COL21A1: variants seen among roughly 807,000 people sequenced by gnomAD.
COL21A1 encodes collagen alpha-1(XXI) chain.
A neutral mutation model predicts 137.9 loss-of-function variants in COL21A1; 149 were observed. That is an observed-to-expected ratio of 1.08 (90% CI 0.95 to 1.24). The LOEUF (loss-of-function observed/expected upper bound fraction) is 1.24, where lower values mean the gene tolerates loss of function less well. Ranked by LOEUF, COL21A1 falls within the 50% of genes most tolerant of loss-of-function variation. The pLI is 0.00. For synonymous variants in COL21A1, 456 were observed against 391.5 expected (o/e 1.16, Z -1.95); for missense variants, 1,167 against 1,158.4 (o/e 1.01, Z -0.11).
intron 1 of COL21A1, among the ~76,000 whole-genome samples, chr6:56,191,947 A>G (rs905661124): frequency 1.3e-5 from 2 of 152,210 alleles, no homozygotes; most frequent in African/African-American, 4.8e-5. Context: ...CTGACTCCAA[A>G]CTATACTACG....
intron 1 of COL21A1, among the ~76,000 whole-genome samples, chr6:56,284,448 T>C (rs984478036): frequency 6.6e-6 from 1 of 152,196 alleles, no homozygotes; most frequent in African/African-American, 2.4e-5. Flanking sequence ...TGTAGTTGTT[T>C]TTTTCTGTCA....
Position 56,057,350 on chromosome 6 carries a change from A to G in COL21A1, c.*307T>C, listed in dbSNP as rs1765421882. 2 of 328,666 alleles carry G rather than the reference A, an allele frequency of 6.1e-6. No individual in the cohort carries two copies. The highest frequency in any genetic ancestry group is 2.3e-5 in the African/African-American group (1 of 44,022). 20.4% of individuals were successfully genotyped at this position (328,666 alleles called of 1,614,324 possible). A position where few individuals can be genotyped will look rare whatever the true frequency, so the allele number is the denominator to read the frequency against. ...GGAGGCTGAATGTGAAATATTTCAC[A>G]GTGACTAAAACTGACTGGCTAACAG... On this transcript the variant is annotated 3_prime_UTR_variant, in exon 30 of 30. Coordinates refer to ENST00000244728, the MANE Select transcript of COL21A1 (RefSeq NM_030820.4).
chr6:56,166,963 T>A lies in COL21A1; in HGVS notation c.1221A>T (p.Arg407=), dbSNP rs1191759064. ...TGTTCTGTTCTGGGTCACAGTAGAT[T>A]CGCAACTTTTGGACATCAAACTAAG... ...ETVQFDVQKL[R]IYCDPEQNNR... is the part of the protein sequence containing the mutation. The change falls in exon 7 of 30, where the codon CGA becomes CGT. Residue 407 remains arginine (R), a synonymous_variant. Transcript: ENST00000244728. 2 of 1,612,046 alleles carry A rather than the reference T, an allele frequency of 1.2e-6. No homozygotes were observed. The highest frequency in any genetic ancestry group is 1.3e-5 in the African/African-American group (1 of 74,886).
chr6:56,097,844 T>TAA lies in COL21A1; in HGVS notation c.1812+3626_1812+3627dup, dbSNP rs1370849921. ...ATACATATAAATATATATAAATATA[T>TAA]AAATATATATAAATATATAAAAATA... is the stretch of plus-strand genomic sequence containing the variant. On this transcript the variant is annotated intron_variant, in intron 17 of 29. Coordinates refer to ENST00000244728, the MANE Select transcript of COL21A1 (RefSeq NM_030820.4). Among the ~76,000 whole-genome samples, 12 of 34,010 alleles carry TAA rather than the reference T, an allele frequency of 3.5e-4. 1 individual carries two copies. The highest frequency in any genetic ancestry group is 2.0e-3 in the East Asian group (1 of 504). 22.3% of individuals were successfully genotyped at this position (34,010 alleles called of 152,430 possible).
chr6:56,321,778 C>T (rs1323649102), intron 1 of COL21A1, among the ~76,000 whole-genome samples: 1 of 152,048 alleles, frequency 6.6e-6, no homozygotes, highest in Non-Finnish European at 1.5e-5. Context: ...AGAGAATCAT[C>T]GAAGTTGAAC....
At chr6:56,389,088 C>T (rs544677756) in intron 1 of COL21A1, among the ~76,000 whole-genome samples, 9 of 152,174 alleles carry the variant, frequency 5.9e-5, no homozygotes, top group East Asian at 1.9e-4. Context: ...GGAGGCTGGG[C>T]GTGGTGGCTC....
At chr6:56,128,571 G>A (rs532153858) in intron 12 of COL21A1, among the ~76,000 whole-genome samples, 3 of 152,148 alleles carry the variant, frequency 2.0e-5, no homozygotes, top group Non-Finnish European at 4.4e-5. Flanking sequence ...TATAGGACTG[G>A]CTGACCGCAT....
rs112890835 is a variant in COL21A1, at chr6:56,118,265, G to A, written c.1758+5797C>T. The stretch of plus-strand genomic sequence containing the variant: ...GAAAGGAGATATTATAAATGATACT[G>A]CAGAAATTCAAAGGATCATTAGTGG... On this transcript the variant is annotated intron_variant, in intron 16 of 29. Coordinates refer to ENST00000244728, the MANE Select transcript of COL21A1 (RefSeq NM_030820.4). Among the ~76,000 whole-genome samples, 459 of 151,626 alleles carry A rather than the reference G, an allele frequency of 3.0e-3. 4 individuals carry two copies. The highest frequency in any genetic ancestry group is 0.011 in the African/African-American group (444 of 41,440).
At chr6:56,193,760 G>GTT (rs138831794) in intron 1 of COL21A1, among the ~76,000 whole-genome samples, 6 of 147,570 alleles carry the variant, frequency 4.1e-5, no homozygotes, top group Middle Eastern at 3.3e-3. Context: ...AGGTTTTTTT[G>GTT]TTTTTTTTTT....
At chr6:56,077,465 T>C in intron 18 of COL21A1, 64 bp downstream of exon 18, 1 of 1,024,158 alleles carries the variant, frequency 9.8e-7, no homozygotes, top group South Asian at 1.5e-5. Context: ...CTGTATTTTA[T>C]TGTAGACAAC....
intron 1 of COL21A1, among the ~76,000 whole-genome samples, chr6:56,261,513 T>G (rs1763275384): frequency 6.6e-6 from 1 of 152,144 alleles, no homozygotes; most frequent in Non-Finnish European, 1.5e-5. Context: ...CTGTTCTTCC[T>G]TGTGAGGATA....
chr6:56,185,561 G>C (rs547328009), intron 1 of COL21A1, among the ~76,000 whole-genome samples: 1 of 148,040 alleles, frequency 6.8e-6, no homozygotes, highest in African/African-American at 2.5e-5. Flanking sequence ...TCAGCCTCCC[G>C]AGTAGCTGGG....
At chr6:56,110,656 C>T (rs1771346080) in intron 16 of COL21A1, among the ~76,000 whole-genome samples, 1 of 151,808 alleles carries the variant, frequency 6.6e-6, no homozygotes, top group Non-Finnish European at 1.5e-5. Flanking sequence ...GATATACAAT[C>T]AATATACCAA....
chr6:56,100,689 A>G (rs1770380695), intron 17 of COL21A1, among the ~76,000 whole-genome samples: 2 of 152,278 alleles, frequency 1.3e-5, no homozygotes, highest in South Asian at 4.1e-4. Context: ...GTACATAATC[A>G]TACACAAGAT....
chr6:56,182,774 ATTAAC>A, intron 1 of COL21A1, 118 bp from the exon 2 acceptor site: 1 of 583,766 alleles, frequency 1.7e-6, no homozygotes, highest in Non-Finnish European at 3.0e-6. Flanking sequence ...GACTATTAGA[ATTAAC>A]TTAAATCTGT....
intron 24 of COL21A1, among the ~76,000 whole-genome samples, chr6:56,062,017 C>A (rs2114040677): frequency 6.6e-6 from 1 of 152,120 alleles, no homozygotes; most frequent in African/African-American, 2.4e-5. Context: ...AAACTCAAAT[C>A]AGATTAAATA....
intron 12 of COL21A1, among the ~76,000 whole-genome samples, chr6:56,127,048 T>A (rs1773106202): frequency 6.6e-6 from 1 of 152,166 alleles, no homozygotes; most frequent in Non-Finnish European, 1.5e-5. Context: ...TCTCTTTGAG[T>A]TCAAATCACC....
intron 9 of COL21A1, among the ~76,000 whole-genome samples, chr6:56,163,718 A>AG (rs1267466739): frequency 6.6e-6 from 1 of 152,158 alleles, no homozygotes; most frequent in East Asian, 1.9e-4. Flanking sequence ...AAAAAAAAAA[A>AG]AAATTTAGTC....
chr6:56,093,669 T>A (rs1049009354), intron 17 of COL21A1, among the ~76,000 whole-genome samples: 1 of 152,120 alleles, frequency 6.6e-6, no homozygotes, highest in Non-Finnish European at 1.5e-5. Context: ...ATAATTGAAG[T>A]TGAGTAGTTT....
Sources: gnomAD v4.1 joint callset for allele counts (sites outside exome capture counted in the v4.1 genomes callset) on GRCh38, gnomAD v4.1.1 for gene constraint, MANE v1.5 for transcripts, NCBI Gene and HGNC (gene_info 2026-07-23, HGNC 2026-07-21) for gene names.